Variants in DGKZ observed in about 807,000 individuals in gnomAD.
DGKZ encodes the protein DAG kinase zeta.
A neutral mutation model predicts 142.5 loss-of-function variants in DGKZ; 45 were observed. That is an observed-to-expected ratio of 0.32 (90% CI 0.25 to 0.40). The LOEUF (loss-of-function observed/expected upper bound fraction) is 0.40, where lower values mean the gene tolerates loss of function less well. Among genes scored for constraint, DGKZ ranks in the 10% least tolerant of loss-of-function variants. The pLI, the probability that DGKZ is intolerant of heterozygous loss-of-function variation, is 1.00. For synonymous variants in DGKZ, 442 were observed against 527.0 expected, an observed-to-expected ratio of 0.84 and a Z score of 2.21; for missense variants, 755 against 1,306.5, an observed-to-expected ratio of 0.58 and a Z score of 6.51.
At chr11:46,364,441 T>G (rs1943033772) in intron 1 of DGKZ, 2 of 1,283,854 alleles carry the variant, frequency 1.6e-6, no homozygotes, top group Admixed American at 2.3e-5. Flanking sequence ...CCTGCTGTCC[T>G]GCCCCTGCAG....
intron 14 of DGKZ, among the ~76,000 whole-genome samples, chr11:46,373,498 GTT>G (rs1421551564): frequency 3.8e-5 from 3 of 79,880 alleles, no homozygotes; most frequent in African/African-American, 1.4e-4. Flanking sequence ...TTTTTTTTTT[GTT>G]TTTGTTTTTT....
intron 14 of DGKZ, among the ~76,000 whole-genome samples, 187 bp downstream of exon 14, chr11:46,373,288 T>G (rs1477299316): frequency 5.0e-5 from 7 of 139,204 alleles, no homozygotes; most frequent in East Asian, 4.0e-4. Context: ...TTTTTTTGTT[T>G]TTTTTTTTTT....
chr11:46,371,809 G>A (rs1394595000), intron 9 of DGKZ, 34 bp downstream of exon 9: 7 of 1,600,752 alleles, frequency 4.4e-6, no homozygotes, highest in East Asian at 2.2e-5. Context: ...CTGCAGGGGA[G>A]CAGGAGAGAG....
exon 1 of DGKZ, chr11:46,333,307 G>T (rs1939859266): frequency 3.1e-6 from 4 of 1,294,392 alleles, no homozygotes; most frequent in Non-Finnish European, 3.9e-6. Flanking sequence ...GGAGGGCAGC[G>T]CTGGGACTGG....
chr11:46,370,628 G>GCCTAC (rs1484214895), intron 6 of DGKZ, among the ~76,000 whole-genome samples: 1 of 152,186 alleles, frequency 6.6e-6, no homozygotes, highest in Non-Finnish European at 1.5e-5. Context: ...AGGCCTCGGG[G>GCCTAC]GTAGGAAGGA....
At chr11:46,345,834 GC>G (rs1304548456), upstream of DGKZ, among the ~76,000 whole-genome samples, 1 of 152,192 alleles carries the variant, frequency 6.6e-6, no homozygotes, top group South Asian at 2.1e-4. The surrounding 1 kb of genome is among the most constrained non-coding windows in gnomAD (Gnocchi z 4.1). Flanking sequence ...GGGAAGAGGA[GC>G]CCCCCCAGGA....
chr11:46,372,365 C>T lies in DGKZ; in HGVS notation c.928-63C>T. 1 of 1,567,486 alleles carries T rather than the reference C, an allele frequency of 6.4e-7. No individual in the cohort carries two copies. Among genetic ancestry groups the T allele is most frequent in the East Asian group, 2.2e-5 (1 of 44,610 alleles). ...GGTTCCCACAGTCACACCCCTCTCC[C>T]TCTGCTGCTCCCACTTCGTCCCACC... On this transcript the variant is annotated intron_variant, in intron 10 of 30. Transcript: ENST00000527911. This position sits in a 1 kb window ranked among gnomAD's most constrained non-coding sequence, Gnocchi z 5.9.
chr11:46,350,022 G>GT (rs1278054183), intron 1 of DGKZ, among the ~76,000 whole-genome samples: 3 of 152,216 alleles, frequency 2.0e-5, no homozygotes, highest in African/African-American at 7.2e-5. Flanking sequence ...GCTGGGGAGT[G>GT]TAAGTGCTCT....
chr11:46,366,537 C>A (rs1460321658), intron 1 of DGKZ: 1 of 1,598,176 alleles, frequency 6.3e-7, no homozygotes, highest in Non-Finnish European at 8.5e-7. Flanking sequence ...GTGCTCACTC[C>A]ACAGCCTACC....
intron 20 of DGKZ, 53 bp downstream of exon 20, chr11:46,375,684 T>C: frequency 6.6e-7 from 1 of 1,520,460 alleles, no homozygotes; most frequent in Non-Finnish European, 8.8e-7. Flanking sequence ...CCCTGCCCTC[T>C]CTGGGCCTTG....
chr11:46,333,148 A>G (rs1228301070), exon 1 of DGKZ: 1 of 794,456 alleles, frequency 1.3e-6, no homozygotes, highest in Non-Finnish European at 1.7e-6. Context: ...CGGCGTCGCT[A>G]GGGACCTGCG....
In DGKZ at chr11:46,379,320, C is replaced by T. The variant is rs1377482717; in HGVS notation, c.2573+84C>T. The T allele has an allele frequency of 1.9e-6, 3 of 1,592,236 alleles. No individual in the cohort carries two copies. In the East Asian group the frequency reaches 6.7e-5, roughly 36 times the overall value. On this transcript the variant is annotated intron_variant, in intron 29 of 30. Transcript: ENST00000527911. ...CCTCCCATTTTGTCAGGTCAGAGCC[C>T]ATAAACTTCCTGGTCACATCTGTCA...
In DGKZ at chr11:46,367,006, A is replaced by AG; in HGVS notation, c.162-282dup. ...TCGCGTAGGTATAGCTGTGGCCAGC[A>AG]GGGCGAGTGGTGTGACCTCCTGTGG... is the stretch of plus-strand genomic sequence containing the variant. On this transcript the variant is annotated intron_variant, in intron 1 of 30. Transcript: ENST00000527911. This position sits in a 1 kb window ranked among gnomAD's most constrained non-coding sequence, Gnocchi z 4.1. 6.7e-7 allele frequency: 1 copy of AG among 1,496,492 alleles called. No homozygotes were observed. Among genetic ancestry groups the AG allele is most frequent in the Non-Finnish European group, 8.9e-7 (1 of 1,129,566 alleles). The allele number at this position is 1,496,492 out of a possible 1,614,324, so 92.7% of individuals were successfully genotyped here. A position where few individuals can be genotyped will look rare whatever the true frequency, so the allele number is the denominator to read the frequency against.
intron 1 of DGKZ, among the ~76,000 whole-genome samples, chr11:46,363,166 C>T (rs760497274): frequency 2.0e-5 from 3 of 152,198 alleles, no homozygotes; most frequent in Non-Finnish European, 4.4e-5. Flanking sequence ...AGGCCCAGGG[C>T]GGGCTCCAAC....
intron 4 of DGKZ, chr11:46,369,196 AAAC>A (rs574716950): frequency 3.8e-5 from 18 of 479,126 alleles, no homozygotes; most frequent in South Asian, 1.9e-4. Context: ...AACAAAAAAA[AAAC>A]AACGAGCAAA....
chr11:46,333,171 C>G, exon 1 of DGKZ: 2 of 1,035,684 alleles, frequency 1.9e-6, no homozygotes, highest in Non-Finnish European at 2.5e-6. Context: ...ACCCGGCGCT[C>G]CCCTCCCTCC....
upstream of DGKZ, among the ~76,000 whole-genome samples, chr11:46,346,080 A>C (rs1188605558): frequency 2.0e-5 from 3 of 151,930 alleles, no homozygotes; most frequent in Non-Finnish European, 2.9e-5. Context: ...CTGGAGCCCC[A>C]CCTCCCTGAT....
intron 26 of DGKZ, 93 bp from the exon 27 acceptor site, chr11:46,378,364 C>T: frequency 6.5e-7 from 1 of 1,542,908 alleles, no homozygotes; most frequent in South Asian, 1.2e-5. Context: ...GAGCCCTGGG[C>T]ACACATGCCT....
chr11:46,366,362 C>A, intron 1 of DGKZ: 1 of 1,522,566 alleles, frequency 6.6e-7, no homozygotes, highest in South Asian at 1.2e-5. Flanking sequence ...GGCCCGGCGT[C>A]GCTCCCCCGC....
Sources: gnomAD v4.1 joint callset for allele counts (sites outside exome capture counted in the v4.1 genomes callset) on GRCh38, gnomAD v4.1.1 for gene constraint, Gnocchi (gnomAD v3.1) non-coding constraint, MANE v1.5 for transcripts, NCBI Gene and HGNC (gene_info 2026-07-23, HGNC 2026-07-21) for gene names.